The following LRRC9 variants were observed in gnomAD, a reference collection of about 807,000 sequenced individuals.
LRRC9 encodes leucine-rich repeat-containing protein 9.
A neutral mutation model predicts 63.2 loss-of-function variants in LRRC9; 122 were observed. That is an observed-to-expected ratio of 1.93 (90% CI 1.67 to 2.24). The LOEUF is 2.24. LRRC9 is among the 30% of genes most tolerant of loss of function. The probability of loss-of-function intolerance (pLI) is 0.00; values close to 1 mark genes in which losing one functional copy is unlikely to be tolerated. For synonymous variants in LRRC9, 366 were observed against 213.1 expected, an observed-to-expected ratio of 1.72 and a Z score of -6.25; for missense variants, 1,071 against 627.7, an observed-to-expected ratio of 1.71 and a Z score of -7.55.
At chr14:60,040,455 G>C (rs1209745481) in intron 29 of LRRC9, among the ~76,000 whole-genome samples, 2 of 151,944 alleles carry the variant, frequency 1.3e-5, no homozygotes, top group Non-Finnish European at 2.9e-5. Flanking sequence ...TGTATTGGGT[G>C]CATATATATG....
intron 29 of LRRC9, among the ~76,000 whole-genome samples, chr14:60,044,657 G>A (rs1893254365): frequency 6.6e-6 from 1 of 152,112 alleles, no homozygotes; most frequent in African/African-American, 2.4e-5. Flanking sequence ...GAAGATACTT[G>A]ATATTATTTG....
chr14:60,050,426 CG>C (rs1271085240), intron 29 of LRRC9, among the ~76,000 whole-genome samples: 3 of 152,292 alleles, frequency 2.0e-5, no homozygotes, highest in South Asian at 2.1e-4. Flanking sequence ...AGGTCAGTTA[CG>C]TTTCTCTCTA....
At chr14:60,001,939 T>C (rs1472695105) in intron 19 of LRRC9, 27 bp from the exon 20 acceptor site, 1 of 632,190 alleles carries the variant, frequency 1.6e-6, no homozygotes, top group Non-Finnish European at 2.8e-6. Context: ...GTTTCCTTTT[T>C]TCACTGTATT....
chr14:59,962,305 T>A lies in LRRC9; in HGVS notation c.1211+1260T>A, dbSNP rs771558103. ...TATACAAAGATATAAAAGGTGTTCA[T>A]CCAGCTCCCATGTAAACAAGTAAAG... On this transcript the variant is annotated intron_variant, in intron 10 of 31. Coordinates refer to ENST00000445360, the Ensembl canonical transcript of LRRC9. This position sits in a 1 kb window ranked among gnomAD's most constrained non-coding sequence, Gnocchi z 5.1. Among the ~76,000 whole-genome samples the A allele has an allele frequency of 1.3e-5, 2 of 152,224 alleles. No individual in the cohort carries two copies. Among genetic ancestry groups the A allele is most frequent in the Non-Finnish European group, 2.9e-5 (2 of 68,040 alleles).
At chr14:59,960,168 T>C (rs1410565307) in intron 9 of LRRC9, among the ~76,000 whole-genome samples, 154 bp downstream of exon 9, 1 of 152,222 alleles carries the variant, frequency 6.6e-6, no homozygotes, top group African/African-American at 2.4e-5. Context: ...TAGTTCCTAG[T>C]ACATATAAGC....
chr14:60,052,315 G>A (rs532283642), intron 29 of LRRC9, among the ~76,000 whole-genome samples: 1 of 152,238 alleles, frequency 6.6e-6, no homozygotes, highest in East Asian at 1.9e-4. Flanking sequence ...GTTATAAACT[G>A]CTGCTTTAGC....
chr14:60,048,032 C>T (rs1363971239), intron 29 of LRRC9, among the ~76,000 whole-genome samples: 1 of 152,112 alleles, frequency 6.6e-6, no homozygotes, highest in African/African-American at 2.4e-5. Context: ...GCAACCTGCT[C>T]CTGAATGACT....
chr14:60,011,808 T>C (rs900507721), intron 23 of LRRC9, among the ~76,000 whole-genome samples: 1 of 152,126 alleles, frequency 6.6e-6, no homozygotes, highest in Non-Finnish European at 1.5e-5. Flanking sequence ...TAACAGAATA[T>C]GAATATAGGA....
At position 59,999,778 on chromosome 14, in the gene LRRC9, C is replaced by A. The variant is rs983273274; in HGVS notation, c.2529+552C>A. Among the ~76,000 whole-genome samples, 3 of 151,796 alleles carry A rather than the reference C, an allele frequency of 2.0e-5. No homozygotes were observed. In the South Asian group the frequency reaches 6.2e-4, roughly 32 times the overall value. On this transcript the variant is annotated intron_variant, in intron 19 of 31. Transcript: ENST00000445360. ...TTTGTGGAGTATCTGAATATTAATT[C>A]CTTAGGCAATATAATGTTTAGTTTT...
intron 17 of LRRC9, among the ~76,000 whole-genome samples, chr14:59,994,590 A>C (rs1888533762): frequency 6.6e-6 from 1 of 152,222 alleles, no homozygotes; most frequent in Non-Finnish European, 1.5e-5. Context: ...TATTCACAAT[A>C]GCAAAGACTT....
chr14:59,954,866 A>T (rs994226314), intron 8 of LRRC9, among the ~76,000 whole-genome samples: 3 of 152,186 alleles, frequency 2.0e-5, no homozygotes, highest in African/African-American at 7.2e-5. Flanking sequence ...GGGCTGTTGA[A>T]TTTTATCAAA....
intron 17 of LRRC9, among the ~76,000 whole-genome samples, chr14:59,995,817 A>C (rs1425525289): frequency 1.3e-5 from 2 of 151,986 alleles, no homozygotes; most frequent in Non-Finnish European, 2.9e-5. Flanking sequence ...ATCTTGGCTC[A>C]CTGCAACCTC....
intron 17 of LRRC9, among the ~76,000 whole-genome samples, chr14:59,991,911 G>A (rs1480121293): frequency 6.6e-6 from 1 of 152,222 alleles, no homozygotes; most frequent in African/African-American, 2.4e-5. Flanking sequence ...ACAAAAGGCA[G>A]CAGAATCCTC....
In LRRC9 at chr14:60,027,961, C is replaced by A. The variant is rs368587449; in HGVS notation, c.3781C>A (p.Arg1261=). 2 of 701,740 alleles carry A rather than the reference C, an allele frequency of 2.9e-6. No individual in the cohort carries two copies. Among genetic ancestry groups the A allele is most frequent in the Non-Finnish European group, 5.2e-6 (2 of 384,220 alleles). 43.5% of individuals were successfully genotyped at this position (701,740 alleles called of 1,614,324 possible). ...ATTGGTAGTGGACCATAACCGCATC[C>A]GATCATTTAATGACAGTGCTTTTGC... is the stretch of plus-strand genomic sequence containing the variant. The change falls in exon 28 of 32, where the codon CGA becomes AGA. Residue 1261 remains arginine (R), a synonymous_variant. Transcript: ENST00000445360. This position sits in a 1 kb window ranked among gnomAD's most constrained non-coding sequence, Gnocchi z 4.0.
chr14:60,041,415 T>C (rs1892932141), intron 29 of LRRC9, among the ~76,000 whole-genome samples: 1 of 152,196 alleles, frequency 6.6e-6, no homozygotes, highest in African/African-American at 2.4e-5. Context: ...GTAGATATGG[T>C]CTTTTCACAT....
At chr14:60,065,839 T>C (rs961965426), downstream of LRRC9, among the ~76,000 whole-genome samples, 1 of 151,450 alleles carries the variant, frequency 6.6e-6, no homozygotes, top group Non-Finnish European at 1.5e-5. Context: ...ACAAACAACC[T>C]GGTAAGCTAG....
intron 29 of LRRC9, among the ~76,000 whole-genome samples, chr14:60,047,889 G>A (rs1007967318): frequency 1.3e-5 from 2 of 152,018 alleles, no homozygotes; most frequent in Admixed American, 6.6e-5. Flanking sequence ...TCACATAATC[G>A]GAAGTCAAAC....
chr14:60,041,995 T>G (rs1200592764), intron 29 of LRRC9, among the ~76,000 whole-genome samples: 1 of 152,242 alleles, frequency 6.6e-6, no homozygotes, highest in African/African-American at 2.4e-5. Flanking sequence ...GCAGGTCTGT[T>G]GGAGTTTGCT....
intron 19 of LRRC9, among the ~76,000 whole-genome samples, chr14:60,000,937 C>T (rs1889304133): frequency 6.6e-6 from 1 of 152,042 alleles, no homozygotes; most frequent in Admixed American, 6.5e-5. Context: ...TGAACATACA[C>T]TTCACTGGAG....
Sources: gnomAD v4.1 joint callset for allele counts (sites outside exome capture counted in the v4.1 genomes callset) on GRCh38, gnomAD v4.1.1 for gene constraint, Gnocchi (gnomAD v3.1) non-coding constraint, MANE v1.5 for transcripts, NCBI Gene and HGNC (gene_info 2026-07-23, HGNC 2026-07-21) for gene names.